The following RECK variants were observed in gnomAD, a reference collection of about 807,000 sequenced individuals.
RECK encodes reversion inducing cysteine rich protein with kazal motifs, also known as reversion-inducing cysteine-rich protein with Kazal motifs.
A neutral mutation model predicts 115.1 loss-of-function variants in RECK; 69 were observed. The observed-to-expected ratio is 0.60, with a 90% CI of 0.49 to 0.73. RECK has a LOEUF of 0.73. Ranked by LOEUF, RECK falls within the 30% of genes least tolerant of loss-of-function variation. The probability of loss-of-function intolerance (pLI) is 0.00; values close to 1 mark genes in which losing one functional copy is unlikely to be tolerated. For missense variants in RECK, 1,047 were observed against 1,203.7 expected, an observed-to-expected ratio of 0.87 and a Z score of 1.93; for synonymous variants, 414 against 419.7, an observed-to-expected ratio of 0.99 and a Z score of 0.17.
At chr9:36,112,127 A>G (rs1824074358) in intron 15 of RECK, among the ~76,000 whole-genome samples, 178 bp from the exon 16 acceptor site, 1 of 150,822 alleles carries the variant, frequency 6.6e-6, no homozygotes, top group Non-Finnish European at 1.5e-5. Flanking sequence ...CATCTCAAAA[A>G]AAAAAAAAAA....
At chr9:36,059,640 C>T (rs1424415697) in intron 3 of RECK, among the ~76,000 whole-genome samples, 1 of 152,034 alleles carries the variant, frequency 6.6e-6, no homozygotes, top group Non-Finnish European at 1.5e-5. Context: ...TATTGCTTAC[C>T]TATCTGAATC....
chr9:36,089,621 G>C (rs1823086596), intron 9 of RECK, among the ~76,000 whole-genome samples: 1 of 152,074 alleles, frequency 6.6e-6, no homozygotes, highest in African/African-American at 2.4e-5. Flanking sequence ...TCAAAATGCA[G>C]TCAAAACTTT....
chr9:36,111,287 G>A (rs1386822796), intron 15 of RECK, among the ~76,000 whole-genome samples: 2 of 152,110 alleles, frequency 1.3e-5, no homozygotes, highest in Admixed American at 6.5e-5. Flanking sequence ...CTCCAAATGT[G>A]ACTCAGAGAA....
At chr9:36,118,414 A>C (rs1456810141) in intron 17 of RECK, among the ~76,000 whole-genome samples, 1 of 151,672 alleles carries the variant, frequency 6.6e-6, no homozygotes, top group Non-Finnish European at 1.5e-5. Flanking sequence ...TGATCTGGTC[A>C]TCTTAAAGAG....
At chr9:36,081,263 G>A (rs1224624773) in intron 7 of RECK, among the ~76,000 whole-genome samples, 1 of 152,200 alleles carries the variant, frequency 6.6e-6, no homozygotes, top group African/African-American at 2.4e-5. Flanking sequence ...CTTTAGCTCA[G>A]CAGGAAAGTA....
intron 9 of RECK, among the ~76,000 whole-genome samples, chr9:36,088,623 T>A (rs566491152): frequency 6.6e-6 from 1 of 152,362 alleles, no homozygotes; most frequent in Non-Finnish European, 1.5e-5. Context: ...TAAAACAATC[T>A]TTCCTGTGGT....
intron 5 of RECK, 46 bp from the exon 6 acceptor site, chr9:36,065,531 G>T: frequency 6.8e-7 from 1 of 1,481,294 alleles, no homozygotes; most frequent in South Asian, 1.3e-5. Context: ...GCCCTGTGCT[G>T]AATAGCATGT....
chr9:36,043,676 A>G (rs184074546), intron 1 of RECK, among the ~76,000 whole-genome samples: 33 of 152,228 alleles, frequency 2.2e-4, no homozygotes, highest in Admixed American at 9.2e-4. Context: ...GTCTTGATCA[A>G]TCTTGAGTTG....
At chr9:36,054,895 T>C (rs2132569315) in intron 2 of RECK, among the ~76,000 whole-genome samples, 1 of 152,140 alleles carries the variant, frequency 6.6e-6, no homozygotes, top group Admixed American at 6.5e-5. Flanking sequence ...GGTGAAGAAA[T>C]GGGTACAATG....
chr9:36,042,795 C>T (rs1820919318), intron 1 of RECK, among the ~76,000 whole-genome samples: 1 of 152,094 alleles, frequency 6.6e-6, no homozygotes, highest in South Asian at 2.1e-4. Flanking sequence ...TTCCTACCAG[C>T]AATGTAAAAG....
intron 1 of RECK, among the ~76,000 whole-genome samples, chr9:36,051,738 A>G (rs900718559): frequency 7.9e-5 from 12 of 151,490 alleles, no homozygotes; most frequent in African/African-American, 2.9e-4. Context: ...ATTTCCATAT[A>G]CTCCTTTATG....
At chr9:36,044,038 A>T (rs1820983230) in intron 1 of RECK, among the ~76,000 whole-genome samples, 1 of 152,020 alleles carries the variant, frequency 6.6e-6, no homozygotes, top group Non-Finnish European at 1.5e-5. Context: ...AATTGCATTG[A>T]ATTTGTCTAT....
At chr9:36,117,371 A>G (rs1214289845) in intron 17 of RECK, among the ~76,000 whole-genome samples, 194 bp downstream of exon 17, 1 of 152,164 alleles carries the variant, frequency 6.6e-6, no homozygotes, top group Non-Finnish European at 1.5e-5. Context: ...TAGTGTGTGT[A>G]CCTTTGCACA....
intron 1 of RECK, 68 bp downstream of exon 1, chr9:36,037,166 C>T (rs1451877891): frequency 5.9e-5 from 36 of 606,426 alleles, no homozygotes; most frequent in Non-Finnish European, 6.3e-5. Context: ...CAAGATGGCG[C>T]GGGGCAGGGG....
At chr9:36,045,578 A>G (rs2132552311) in intron 1 of RECK, among the ~76,000 whole-genome samples, 1 of 150,998 alleles carries the variant, frequency 6.6e-6, no homozygotes. Flanking sequence ...CTTTAGGGAG[A>G]CATTAATTAG....
chr9:36,047,718 AATTTTT>A (rs939002025), intron 1 of RECK, among the ~76,000 whole-genome samples: 19 of 151,984 alleles, frequency 1.3e-4, no homozygotes, highest in Admixed American at 2.0e-4. Context: ...AATGTAGTGA[AATTTTT>A]ATGTGTCCTT....
chr9:36,038,340 G>C (rs1820750483), intron 1 of RECK, among the ~76,000 whole-genome samples: 1 of 152,092 alleles, frequency 6.6e-6, no homozygotes, highest in South Asian at 2.1e-4. Flanking sequence ...ACTATAGCTA[G>C]GTTTCAAATT....
intron 6 of RECK, among the ~76,000 whole-genome samples, chr9:36,072,380 A>G (rs1822265281): frequency 6.6e-6 from 1 of 152,200 alleles, no homozygotes; most frequent in Admixed American, 6.6e-5. Context: ...AAGCCTCCTA[A>G]GCTTCAGTGT....
chr9:36,115,223 C>G (rs7045110), intron 16 of RECK, among the ~76,000 whole-genome samples: 3,903 of 151,644 alleles, frequency 0.026, 178 homozygotes, highest in African/African-American at 0.088. Context: ...GCTGAGGCAG[C>G]AGACTCTCTT....
Sources: allele counts gnomAD v4.1 joint callset (sites outside exome capture counted in the v4.1 genomes callset), GRCh38; gene constraint gnomAD v4.1.1; transcripts MANE v1.5; gene names NCBI Gene and HGNC (gene_info 2026-07-23, HGNC 2026-07-21).